Variants in TBC1D1 observed in about 807,000 individuals in gnomAD.
TBC1D1 encodes TBC1 domain family member 1.
TBC1D1 carries 89 observed loss-of-function variants against 125.6 expected under a neutral mutation model. That is an observed-to-expected ratio of 0.71 (90% CI 0.60 to 0.85). TBC1D1 has a LOEUF of 0.85. Ranked by LOEUF, TBC1D1 falls within the 40% of genes least tolerant of loss-of-function variation. The pLI is 0.00. For missense variants in TBC1D1, 1,377 were observed against 1,469.2 expected, an observed-to-expected ratio of 0.94 and a Z score of 1.03; for synonymous variants, 565 against 564.1, an observed-to-expected ratio of 1.00 and a Z score of -0.02.
intron 2 of TBC1D1, among the ~76,000 whole-genome samples, chr4:37,969,655 C>A (rs974533841): frequency 3.3e-5 from 5 of 152,146 alleles, no homozygotes; most frequent in African/African-American, 1.2e-4. Context: ...CCAAAACTAT[C>A]CCTTTTAAGT....
chr4:38,127,150 A>G, intron 18 of TBC1D1, among the ~76,000 whole-genome samples: 1 of 151,924 alleles, frequency 6.6e-6, no homozygotes, highest in East Asian at 1.9e-4. Context: ...CCCAGCTGAC[A>G]TTGTTTACCT....
intron 8 of TBC1D1, among the ~76,000 whole-genome samples, chr4:38,037,477 T>G (rs1035207941): frequency 1.3e-5 from 2 of 152,116 alleles, no homozygotes; most frequent in East Asian, 1.9e-4. Context: ...TCATGGGCTC[T>G]GAGGAGTGGG....
At chr4:38,060,534 G>GTC (rs1453244101) in intron 12 of TBC1D1, 1 of 812,152 alleles carries the variant, frequency 1.2e-6, no homozygotes, top group Non-Finnish European at 1.8e-6. Flanking sequence ...TTTGAGAAGT[G>GTC]TCTGTTCATG....
chr4:38,017,041 C>T (rs1742890175), intron 3 of TBC1D1, among the ~76,000 whole-genome samples: 1 of 136,786 alleles, frequency 7.3e-6, no homozygotes, highest in Admixed American at 7.1e-5. Flanking sequence ...ATGGGATGTA[C>T]AATCCTTTGG....
intron 2 of TBC1D1, among the ~76,000 whole-genome samples, chr4:37,929,304 C>T (rs1722777023): frequency 6.6e-6 from 1 of 152,120 alleles, no homozygotes; most frequent in Non-Finnish European, 1.5e-5. Flanking sequence ...GGATTAAAAA[C>T]TGAGTGACAG....
At chr4:37,996,182 G>T in intron 2 of TBC1D1, 1 of 354,714 alleles carries the variant, frequency 2.8e-6, no homozygotes, top group East Asian at 7.2e-5. Context: ...TCCCTGCTCA[G>T]GCACCCACCA....
chr4:38,025,257 G>GTTACC (rs1269860190), intron 6 of TBC1D1, among the ~76,000 whole-genome samples: 1 of 152,206 alleles, frequency 6.6e-6, no homozygotes. Flanking sequence ...CTTGATGCTG[G>GTTACC]TTACCTTTTC....
chr4:38,064,396 A>C (rs1429553774), intron 12 of TBC1D1, among the ~76,000 whole-genome samples: 1 of 152,174 alleles, frequency 6.6e-6, no homozygotes, highest in East Asian at 1.9e-4. Flanking sequence ...TTAAGCCAGC[A>C]GGGATGGGAA....
Position 38,127,381 on chromosome 4 carries a change from CTTTTTTT to C in TBC1D1, c.3132+2265_3132+2271del, listed in dbSNP as rs35658047. On this transcript the variant is annotated intron_variant, in intron 18 of 19. Coordinates refer to ENST00000261439, the MANE Select transcript of TBC1D1 (RefSeq NM_015173.4). ...AAGTTGCCATTCATTTTTCCACTGA[CTTTTTTT>C]TTTTTTTTTTTTTTGAGACAGAGTC... is the stretch of plus-strand genomic sequence containing the variant. 3.2e-4 allele frequency among the ~76,000 whole-genome samples: 40 copies of C among 124,404 alleles called. No homozygotes were observed. In the Middle Eastern group the frequency reaches 0.013, roughly 40 times the overall value. The allele number at this position is 124,404 out of a possible 152,430, so 81.6% of individuals were successfully genotyped here. A position where few individuals can be genotyped will look rare whatever the true frequency, so the allele number is the denominator to read the frequency against.
intron 15 of TBC1D1, among the ~76,000 whole-genome samples, chr4:38,114,250 A>T (rs1170879857): frequency 6.6e-6 from 1 of 152,208 alleles, no homozygotes; most frequent in East Asian, 1.9e-4. Flanking sequence ...ACTAGCAGCA[A>T]GGTGACTTGT....
Position 38,133,083 on chromosome 4 carries a change from G to C in TBC1D1, c.3133-1G>C. On this transcript the variant is annotated splice_acceptor_variant, in intron 18 of 19. Transcript: ENST00000261439. LOFTEE classifies it high-confidence loss of function. ...CGTGATGACTTTTCTTTCTATAACA[G>C]GTATTTGAAATGGACATCGCTAAAC... 1 of 1,608,572 alleles carries C rather than the reference G, an allele frequency of 6.2e-7. No individual in the cohort carries two copies. Among genetic ancestry groups the C allele is most frequent in the Non-Finnish European group, 8.5e-7 (1 of 1,178,106 alleles).
intron 8 of TBC1D1, among the ~76,000 whole-genome samples, chr4:38,036,676 A>G (rs1251919604): frequency 6.6e-6 from 1 of 152,210 alleles, no homozygotes; most frequent in African/African-American, 2.4e-5. Context: ...TCTACCTTCT[A>G]GGTGGCTTTG....
At chr4:38,036,796 T>C (rs539598912) in intron 8 of TBC1D1, among the ~76,000 whole-genome samples, 2 of 152,242 alleles carry the variant, frequency 1.3e-5, no homozygotes, top group Non-Finnish European at 2.9e-5. Flanking sequence ...AACATGAGTA[T>C]ATGACCTGTG....
At chr4:38,068,580 G>A (rs1447272784) in intron 12 of TBC1D1, among the ~76,000 whole-genome samples, 1 of 152,024 alleles carries the variant, frequency 6.6e-6, no homozygotes, top group Non-Finnish European at 1.5e-5. Flanking sequence ...TGTGTCTTCG[G>A]GTTATTTATC....
intron 2 of TBC1D1, among the ~76,000 whole-genome samples, chr4:37,925,408 A>G (rs1272363001): frequency 6.6e-6 from 1 of 152,166 alleles, no homozygotes; most frequent in East Asian, 1.9e-4. Flanking sequence ...AAAAAATTAT[A>G]TATTACTTCT....
At chr4:38,117,179 A>T (rs1214719434) in intron 16 of TBC1D1, among the ~76,000 whole-genome samples, 2 of 152,178 alleles carry the variant, frequency 1.3e-5, no homozygotes, top group African/African-American at 2.4e-5. Context: ...TGCTTATGGG[A>T]TTATATTATC....
chr4:37,893,579 G>A (rs902426624), intron 1 of TBC1D1, among the ~76,000 whole-genome samples: 1 of 152,206 alleles, frequency 6.6e-6, no homozygotes. Context: ...AGCACTTTGG[G>A]AGTCCAAGGC....
intron 15 of TBC1D1, among the ~76,000 whole-genome samples, chr4:38,105,921 G>T (rs1388950992): frequency 6.6e-6 from 1 of 152,132 alleles, no homozygotes; most frequent in Non-Finnish European, 1.5e-5. Flanking sequence ...TGTCTTTTTG[G>T]TAGGATGATT....
intron 9 of TBC1D1, 114 bp downstream of exon 9, chr4:38,044,604 C>CT (rs1279937060): frequency 1.1e-5 from 12 of 1,139,732 alleles, no homozygotes; most frequent in African/African-American, 1.6e-5. Flanking sequence ...AGTATAAAAC[C>CT]TTTTTTTATG....
Sources: allele counts gnomAD v4.1 joint callset (sites outside exome capture counted in the v4.1 genomes callset), GRCh38; gene constraint gnomAD v4.1.1; transcripts MANE v1.5; gene names NCBI Gene and HGNC (gene_info 2026-07-23, HGNC 2026-07-21).